FOXP2: variants seen among roughly 807,000 people sequenced by gnomAD.
FOXP2 encodes the protein forkhead box P2.
Under a neutral mutation model 115.8 loss-of-function variants are expected in FOXP2, and 12 were observed. The observed-to-expected ratio is 0.10, with a 90% CI of 0.07 to 0.17. The LOEUF is 0.17. FOXP2 is among the 10% of genes least tolerant of loss of function. The pLI, the probability that FOXP2 is intolerant of heterozygous loss-of-function variation, is 1.00. For missense variants in FOXP2, 629 were observed against 843.5 expected (o/e 0.75, Z 3.15); for synonymous variants, 328 against 297.7 (o/e 1.10, Z -1.05).
At chr7:114,316,156 A>T (rs1049916327) in intron 2 of FOXP2, among the ~76,000 whole-genome samples, 2 of 152,102 alleles carry the variant, frequency 1.3e-5, no homozygotes, top group Admixed American at 6.6e-5. Flanking sequence ...GGCAACTCAA[A>T]TTTTTTGCTG....
chr7:114,475,239 T>C (rs1021534404), intron 2 of FOXP2, among the ~76,000 whole-genome samples: 13 of 152,204 alleles, frequency 8.5e-5, no homozygotes, highest in Admixed American at 7.2e-4. Context: ...AAAAATATTT[T>C]AATATGTGCA....
In FOXP2 at chr7:114,629,758, C is replaced by G. The variant is rs376068321; in HGVS notation, c.397-47C>G. ...AGAAGAGTTTAGGAGATTTATAATA[C>G]GTGAAACTTTTGCCTTTATTTATTA... On this transcript the variant is annotated intron_variant, in intron 4 of 16. Transcript: ENST00000350908. 3 of 1,611,688 alleles carry G rather than the reference C, an allele frequency of 1.9e-6. No individual in the cohort carries two copies. In the African/African-American group the frequency reaches 4.0e-5, roughly 22 times the overall value.
chr7:114,497,383 C>G (rs1235969081), intron 2 of FOXP2, among the ~76,000 whole-genome samples: 1 of 152,136 alleles, frequency 6.6e-6, no homozygotes, highest in Non-Finnish European at 1.5e-5. Flanking sequence ...CATGCTGGCT[C>G]ACGCTTGTAA....
intron 3 of FOXP2, among the ~76,000 whole-genome samples, chr7:114,604,674 G>A (rs35045198): frequency 0.11 from 17,311 of 152,038 alleles, 1,086 homozygotes; most frequent in Middle Eastern, 0.18. Flanking sequence ...ATTTACATCT[G>A]CCTCATCTGG....
intron 3 of FOXP2, among the ~76,000 whole-genome samples, chr7:114,588,075 C>T (rs987024736): frequency 6.6e-6 from 1 of 151,430 alleles, no homozygotes; most frequent in Non-Finnish European, 1.5e-5. Flanking sequence ...TTTGGGAGGC[C>T]GAGGTGAGCG....
upstream of FOXP2, chr7:114,086,566 G>A (rs761497113): frequency 9.2e-5 from 38 of 411,440 alleles, no homozygotes; most frequent in South Asian, 5.0e-4. Flanking sequence ...CCTCGCCGCC[G>A]CGGGTGCCAC....
intron 2 of FOXP2, among the ~76,000 whole-genome samples, chr7:114,514,039 C>A (rs1425420837): frequency 6.6e-6 from 1 of 150,682 alleles, no homozygotes; most frequent in Non-Finnish European, 1.5e-5. Flanking sequence ...ATGTGTATAT[C>A]TATATATCAC....
At position 114,605,745 on chromosome 7, in the gene FOXP2, A is replaced by T. The variant is rs1372897867; in HGVS notation, c.259-22795A>T. On this transcript the variant is annotated intron_variant, in intron 3 of 16. Transcript: ENST00000350908. ...AATGTGCTCTGAGGGTGGCACTGGC[A>T]CTGAAGCATGTTGTGGGGACATGGA... 2.6e-5 allele frequency among the ~76,000 whole-genome samples: 4 copies of T among 152,316 alleles called. No individual in the cohort carries two copies. The East Asian group carries it at 5.8e-4, about 22-fold the overall frequency.
chr7:114,436,633 A>G (rs907705289), intron 2 of FOXP2, among the ~76,000 whole-genome samples: 1 of 151,836 alleles, frequency 6.6e-6, no homozygotes, highest in Admixed American at 6.6e-5. Context: ...CATAAAACTT[A>G]ACTGTCTAGC....
At chr7:114,434,798 T>C (rs1415043289) in intron 2 of FOXP2, among the ~76,000 whole-genome samples, 1 of 152,194 alleles carries the variant, frequency 6.6e-6, no homozygotes, top group Admixed American at 6.5e-5. Flanking sequence ...TAAAATTTCC[T>C]GGAATGTTTT....
chr7:114,327,907 TTTTTC>T (rs535803092), intron 2 of FOXP2, among the ~76,000 whole-genome samples: 1 of 151,622 alleles, frequency 6.6e-6, no homozygotes, highest in Non-Finnish European at 1.5e-5. Flanking sequence ...ATTTACTTAT[TTTTTC>T]TTTTCTTTTC....
At chr7:114,539,913 C>G (rs985595610) in intron 3 of FOXP2, among the ~76,000 whole-genome samples, 1 of 151,890 alleles carries the variant, frequency 6.6e-6, no homozygotes, top group African/African-American at 2.4e-5. Context: ...GATAGAATAA[C>G]CTGATCTCTT....
chr7:114,574,754 T>TA (rs1279447474), intron 3 of FOXP2, among the ~76,000 whole-genome samples: 1 of 151,900 alleles, frequency 6.6e-6, no homozygotes, highest in Non-Finnish European at 1.5e-5. Context: ...CGAAGGCAAT[T>TA]ATGTGGAATG....
At chr7:114,195,647 TA>T (rs1423043855) in intron 1 of FOXP2, among the ~76,000 whole-genome samples, 1 of 152,214 alleles carries the variant, frequency 6.6e-6, no homozygotes, top group African/African-American at 2.4e-5. Flanking sequence ...TAAATTCATA[TA>T]TTTTTTTCTG....
intron 2 of FOXP2, among the ~76,000 whole-genome samples, chr7:114,359,625 T>A (rs1363229084): frequency 6.6e-6 from 1 of 152,218 alleles, no homozygotes; most frequent in Non-Finnish European, 1.5e-5. Flanking sequence ...ACCTCTTGGA[T>A]CAGCATGACC....
chr7:114,153,855 A>C (rs1792588568), intron 1 of FOXP2, among the ~76,000 whole-genome samples: 1 of 152,136 alleles, frequency 6.6e-6, no homozygotes, highest in Non-Finnish European at 1.5e-5. Context: ...CTTCAGTTTC[A>C]AATACCTTGA....
intron 16 of FOXP2, among the ~76,000 whole-genome samples, chr7:114,682,828 T>C (rs1252721694): frequency 6.6e-6 from 1 of 152,120 alleles, no homozygotes; most frequent in Non-Finnish European, 1.5e-5. Context: ...AGAAACCTAA[T>C]ATAAATAGAG....
At chr7:114,316,267 C>T (rs1169089699) in intron 2 of FOXP2, among the ~76,000 whole-genome samples, 2 of 152,150 alleles carry the variant, frequency 1.3e-5, no homozygotes, top group Non-Finnish European at 2.9e-5. Flanking sequence ...AAACAGGGAT[C>T]AACTGTGCAT....
intron 16 of FOXP2, chr7:114,667,369 C>G (rs1807222786): frequency 6.6e-6 from 1 of 152,090 alleles, no homozygotes; most frequent in African/African-American, 2.4e-5. Flanking sequence ...TTCGAGGTTA[C>G]AGTAAGCTAT....
Sources: gnomAD v4.1 joint callset for allele counts (sites outside exome capture counted in the v4.1 genomes callset) on GRCh38, gnomAD v4.1.1 for gene constraint, MANE v1.5 for transcripts, NCBI Gene and HGNC (gene_info 2026-07-23, HGNC 2026-07-21) for gene names.